Variants in TNNT1 observed in about 807,000 individuals in gnomAD.
The protein encoded by TNNT1 is troponin T, slow skeletal muscle.
In TNNT1, 53 loss-of-function variants were observed where a neutral mutation model predicts 50.6. The observed-to-expected ratio is 1.05, with a 90% confidence interval of 0.84 to 1.32. TNNT1 has a LOEUF of 1.32. Ranked by LOEUF, TNNT1 falls within the 40% of genes most tolerant of loss-of-function variation. TNNT1 has a pLI of 0.00. For synonymous variants in TNNT1, 142 were observed against 138.0 expected, an observed-to-expected ratio of 1.03 and a Z score of -0.20; for missense variants, 348 against 381.7, an observed-to-expected ratio of 0.91 and a Z score of 0.74.
At chr19:55,144,849 G>C (rs1046724407) in intron 6 of TNNT1, among the ~76,000 whole-genome samples, 3 of 152,202 alleles carry the variant, frequency 2.0e-5, no homozygotes, top group Non-Finnish European at 2.9e-5. Context: ...AAGATTCTGA[G>C]CAGAGGAGGG....
intron 8 of TNNT1, 108 bp from the exon 9 acceptor site, chr19:55,141,068 C>T: frequency 1.3e-6 from 2 of 1,503,076 alleles, no homozygotes; most frequent in Admixed American, 1.7e-5. Context: ...TGGGTGAATT[C>T]GCGAAAGCCT....
chr19:55,147,195 TG>T, intron 1 of TNNT1, 27 bp from the exon 2 acceptor site: 1 of 1,610,430 alleles, frequency 6.2e-7, no homozygotes, highest in South Asian at 1.1e-5. Context: ...AGAGGCCCAG[TG>T]GGGTGGGGCC....
At chr19:55,146,832 G>C in intron 3 of TNNT1, 125 bp from the exon 4 acceptor site, 2 of 1,170,882 alleles carry the variant, frequency 1.7e-6, no homozygotes, top group Admixed American at 2.9e-5. Flanking sequence ...CGATGGGCAC[G>C]TTCCCCCTGG....
rs1345376452 is a variant in TNNT1, at chr19:55,132,902, C to T, written c.*13G>A. 1.1e-5 allele frequency: 18 copies of T among 1,598,298 alleles called. No homozygotes were observed. The highest frequency in any genetic ancestry group is 9.1e-5 in the South Asian group (8 of 87,822). On this transcript the variant is annotated 3_prime_UTR_variant, in exon 14 of 14. Coordinates refer to ENST00000588981, the MANE Select transcript of TNNT1 (RefSeq NM_003283.6). Reference sequence around the variant, plus strand: ...CCCAGGCTTCCCAGGTGCCACTGTCCGGGGCGGCATCCTCACTTCCAGCGG... The same window carrying T: ...CCCAGGCTTCCCAGGTGCCACTGTCTGGGGCGGCATCCTCACTTCCAGCGG...
chr19:55,139,571 G>C (rs1478063343), intron 9 of TNNT1, among the ~76,000 whole-genome samples: 1 of 152,044 alleles, frequency 6.6e-6, no homozygotes, highest in African/African-American at 2.4e-5. Context: ...CTGACCCTCT[G>C]GCCTTCCTCT....
chr19:55,135,516 C>A (rs1168381855), intron 11 of TNNT1: 5 of 266,664 alleles, frequency 1.9e-5, no homozygotes, highest in Non-Finnish European at 2.9e-5. Flanking sequence ...GTGATCCTCT[C>A]ACCTCAGCCT....
At chr19:55,136,388 G>T (rs915585010) in intron 11 of TNNT1, among the ~76,000 whole-genome samples, 1 of 152,152 alleles carries the variant, frequency 6.6e-6, no homozygotes, top group Non-Finnish European at 1.5e-5. Context: ...GGCCCAGCCT[G>T]TAATTATTAT....
rs1234996714 is a variant in TNNT1, at chr19:55,137,117, C to T, written c.597G>A (p.Gly199=). 6 of 1,611,322 alleles carry T rather than the reference C, an allele frequency of 3.7e-6. No homozygotes were observed. Among genetic ancestry groups the T allele is most frequent in the African/African-American group, 2.7e-5 (2 of 74,792 alleles). Residue 199 remains glycine, a synonymous_variant, in exon 11 of 14, where the codon GGG becomes GGA. Coordinates refer to ENST00000588981, the MANE Select transcript of TNNT1 (RefSeq NM_003283.6). ...ACAGCACCTACCGGAGCTGTTCCTC[C>T]CCCATGTAGTCAATGTCCAGAGGCT... The part of the protein sequence containing the change: ...RKKPLDIDYM[G]EEQLRARSAW...
intron 13 of TNNT1, among the ~76,000 whole-genome samples, 188 bp from the exon 14 acceptor site, chr19:55,133,148 C>T (rs2085277928): frequency 6.6e-6 from 1 of 152,026 alleles, no homozygotes; most frequent in African/African-American, 2.4e-5. Flanking sequence ...GTGGTCAAAG[C>T]CTCGCTGACA....
rs1434349271 is a variant in TNNT1, at chr19:55,132,914, C to CT, written c.837dup. The stretch of plus-strand genomic sequence containing the variant: ...AGGTGCCACTGTCCGGGGCGGCATC[C>CT]TCACTTCCAGCGGCCTCCAACGCGG... On this transcript the variant is annotated 3_prime_UTR_variant, in exon 14 of 14. Coordinates refer to ENST00000588981, the MANE Select transcript of TNNT1 (RefSeq NM_003283.6). 1.9e-6 allele frequency: 3 copies of CT among 1,602,220 alleles called. No homozygotes were observed. In the East Asian group the frequency reaches 6.7e-5, roughly 36 times the overall value.
chr19:55,133,103 C>G, intron 13 of TNNT1, 143 bp from the exon 14 acceptor site: 1 of 783,962 alleles, frequency 1.3e-6, no homozygotes, highest in Non-Finnish European at 2.2e-6. Context: ...CAACTGTCAC[C>G]TCTTTTGGGT....
chr19:55,145,652 C>T, intron 5 of TNNT1, 87 bp from the exon 6 acceptor site: 2 of 1,499,818 alleles, frequency 1.3e-6, no homozygotes. Context: ...GAGGGACCCC[C>T]CAAGCCTCGG....
chr19:55,144,587 T>C (rs887322407), intron 6 of TNNT1, among the ~76,000 whole-genome samples: 3 of 152,182 alleles, frequency 2.0e-5, no homozygotes, highest in Non-Finnish European at 2.9e-5. Context: ...GATCTCATTT[T>C]GTTACTTAGG....
In TNNT1 at chr19:55,135,837, C is replaced by T. The variant is rs116717264; in HGVS notation, c.611+1266G>A. On this transcript the variant is annotated intron_variant, in intron 11 of 13. Coordinates refer to ENST00000588981, the MANE Select transcript of TNNT1 (RefSeq NM_003283.6). ...CGCCCGCCCGGCCAACAATACTTTA[C>T]ATGAACCATGTGCACAGGAAGGAGG... Among the ~76,000 whole-genome samples the T allele has an allele frequency of 5.4e-3, 821 of 152,202 alleles. 9 individuals carry two copies. The highest frequency in any genetic ancestry group is 0.019 in the African/African-American group (790 of 41,544).
intron 6 of TNNT1, among the ~76,000 whole-genome samples, chr19:55,143,949 C>A (rs559481139): frequency 6.6e-6 from 1 of 152,120 alleles, no homozygotes; most frequent in African/African-American, 2.4e-5. Flanking sequence ...CCACTTTGTT[C>A]CCCAGCCCAG....
intron 11 of TNNT1, among the ~76,000 whole-genome samples, chr19:55,136,173 C>T (rs1355435009): frequency 6.6e-6 from 1 of 152,292 alleles, no homozygotes; most frequent in East Asian, 1.9e-4. Context: ...CTCTGTGCCT[C>T]AGGTTCCTCA....
rs762145311 is a variant in TNNT1 at position 55,148,378 on chromosome 19, C to T, written c.-12+783G>A. Among the ~76,000 whole-genome samples the T allele has an allele frequency of 5.3e-5, 8 of 151,986 alleles. 1 individual carries two copies. The highest frequency in any genetic ancestry group is 4.1e-4 in the South Asian group (2 of 4,830). ...AGGGGCATAAAGGGCACCTTCTGTC[C>T]GTAGACCTCACCCTGACCCCTACAT... On this transcript the variant is annotated intron_variant, in intron 1 of 13. Transcript: ENST00000588981.
intron 7 of TNNT1, among the ~76,000 whole-genome samples, chr19:55,141,649 A>G (rs1218491779): frequency 6.6e-6 from 1 of 151,618 alleles, no homozygotes; most frequent in Non-Finnish European, 1.5e-5. Context: ...ACGCCCGGCT[A>G]ATTTTTGTAT....
chr19:55,143,993 C>A (rs1424852455), intron 6 of TNNT1, among the ~76,000 whole-genome samples: 1 of 152,074 alleles, frequency 6.6e-6, no homozygotes, highest in East Asian at 1.9e-4. Context: ...TGCTTCCCTC[C>A]CCTTGCCCAA....
Sources: gnomAD v4.1 joint callset for allele counts (sites outside exome capture counted in the v4.1 genomes callset) on GRCh38, gnomAD v4.1.1 for gene constraint, MANE v1.5 for transcripts, NCBI Gene and HGNC (gene_info 2026-07-23, HGNC 2026-07-21) for gene names.